The following MACROD1 variants were observed in gnomAD, a reference collection of about 807,000 sequenced individuals.
MACROD1 encodes ADP-ribose glycohydrolase MACROD1.
In MACROD1, 31 loss-of-function variants were observed where a neutral mutation model predicts 41.4. That is an observed-to-expected ratio of 0.75 (90% CI 0.56 to 1.01). The LOEUF (loss-of-function observed/expected upper bound fraction) is 1.01, where lower values mean the gene tolerates loss of function less well. MACROD1 is among the 50% of genes least tolerant of loss of function. MACROD1 has a pLI of 0.00. For missense variants in MACROD1, 473 were observed against 460.0 expected (o/e 1.03, Z -0.26); for synonymous variants, 252 against 203.4 (o/e 1.24, Z -2.03).
At chr11:64,100,597 T>C (rs1007875438) in intron 3 of MACROD1, among the ~76,000 whole-genome samples, 2 of 152,062 alleles carry the variant, frequency 1.3e-5, no homozygotes, top group Non-Finnish European at 2.9e-5. Context: ...GGCGCACGCA[T>C]TTACATATTT....
intron 3 of MACROD1, among the ~76,000 whole-genome samples, chr11:64,024,567 G>A (rs1292894433): frequency 6.6e-6 from 1 of 152,240 alleles, no homozygotes; most frequent in Admixed American, 6.5e-5. Flanking sequence ...CCATGGGGCA[G>A]GCACTCAGCA....
chr11:64,089,557 G>A (rs574266864), intron 3 of MACROD1, among the ~76,000 whole-genome samples: 1 of 152,310 alleles, frequency 6.6e-6, no homozygotes, highest in Non-Finnish European at 1.5e-5. Flanking sequence ...CCCAGCTGCC[G>A]GGTCGGCAGC....
chr11:64,126,018 C>T (rs1016157213), intron 3 of MACROD1, among the ~76,000 whole-genome samples: 2 of 152,190 alleles, frequency 1.3e-5, no homozygotes, highest in Admixed American at 1.3e-4. Context: ...CCAGGCCTCT[C>T]TCACCTTTCT....
Position 64,025,714 on chromosome 11 carries a change from C to G in MACROD1, c.518-10433G>C, listed in dbSNP as rs376639652. ...GCCCACACTGCTCTCATGGGCCCCCCCCGCTCCTTTTTTTTTTTTTTCAGA... is the reference window on the plus strand; with the variant it reads ...GCCCACACTGCTCTCATGGGCCCCCGCCGCTCCTTTTTTTTTTTTTTCAGA... On this transcript the variant is annotated intron_variant, in intron 3 of 10. Transcript: ENST00000255681. Among the ~76,000 whole-genome samples, 60 of 132,096 alleles carry G rather than the reference C, an allele frequency of 4.5e-4. No individual in the cohort carries two copies. The East Asian group carries it at 9.9e-3, about 22-fold the overall frequency. 86.7% of individuals were successfully genotyped at this position (132,096 alleles called of 152,430 possible). A position where few individuals can be genotyped will look rare whatever the true frequency, so the allele number is the denominator to read the frequency against.
At chr11:64,086,599 G>A (rs796249596) in intron 3 of MACROD1, among the ~76,000 whole-genome samples, 19 of 152,218 alleles carry the variant, frequency 1.2e-4, no homozygotes, top group African/African-American at 4.1e-4. Context: ...GCGGTTCTGC[G>A]ACTGGGGTGC....
chr11:64,152,431 G>A, intron 1 of MACROD1, 38 bp from the exon 2 acceptor site: 1 of 1,529,252 alleles, frequency 6.5e-7, no homozygotes, highest in Non-Finnish European at 9.1e-7. Context: ...TGGGGGCAGA[G>A]GAACGGGCCT....
intron 6 of MACROD1, 35 bp downstream of exon 6, chr11:63,999,607 C>G: frequency 6.2e-7 from 1 of 1,609,384 alleles, no homozygotes; most frequent in Non-Finnish European, 8.5e-7. Context: ...TCACTGCGCC[C>G]CGCCTCCCGC....
Position 64,096,363 on chromosome 11 carries a change from T to C in MACROD1, c.517+54876A>G, listed in dbSNP as rs1944576335. 6.6e-6 allele frequency among the ~76,000 whole-genome samples: 1 copy of C among 151,494 alleles called. No individual in the cohort carries two copies. The highest frequency in any genetic ancestry group is 6.6e-5 in the Admixed American group (1 of 15,246). On this transcript the variant is annotated intron_variant, in intron 3 of 10. Coordinates refer to ENST00000255681, the MANE Select transcript of MACROD1 (RefSeq NM_014067.4). The surrounding 1 kb of genome is among the most constrained non-coding windows in gnomAD (Gnocchi z 4.6). Reference sequence around the variant, plus strand: ...GTCCCTAATGGGCACGGGCGACGCATTACAGTGAGGTCTGCCAGGTAGAGC... The same window carrying C: ...GTCCCTAATGGGCACGGGCGACGCACTACAGTGAGGTCTGCCAGGTAGAGC...
chr11:64,019,450 G>A (rs1409049277), intron 3 of MACROD1, among the ~76,000 whole-genome samples: 5 of 152,174 alleles, frequency 3.3e-5, no homozygotes, highest in Admixed American at 2.0e-4. Context: ...CCTGAGGGCA[G>A]GTGCAGTAGC....
Position 64,015,287 on chromosome 11 carries a change from A to G in MACROD1, c.518-6T>C. 6.2e-7 allele frequency: 1 copy of G among 1,601,548 alleles called. No homozygotes were observed. Among genetic ancestry groups the G allele is most frequent in the Non-Finnish European group, 8.5e-7 (1 of 1,173,776 alleles). ...TCCGAGCAGGGAGCTGTTGGCTGCAAGAGAGAGAGACAAAGGCAGATCAGT... is the reference window on the plus strand; with the variant it reads ...TCCGAGCAGGGAGCTGTTGGCTGCAGGAGAGAGAGACAAAGGCAGATCAGT... On this transcript the variant is annotated splice_polypyrimidine_tract_variant and splice_region_variant and intron_variant, in intron 3 of 10. Coordinates refer to ENST00000255681, the MANE Select transcript of MACROD1 (RefSeq NM_014067.4).
At chr11:64,110,187 C>T (rs137975330) in intron 3 of MACROD1, among the ~76,000 whole-genome samples, 90 of 152,218 alleles carry the variant, frequency 5.9e-4, no homozygotes, top group African/African-American at 1.8e-3. Context: ...TGGTGGCTCA[C>T]GCGTATAATC....
At chr11:64,158,058 G>A (rs1225622932) in intron 1 of MACROD1, among the ~76,000 whole-genome samples, 1 of 152,156 alleles carries the variant, frequency 6.6e-6, no homozygotes, top group African/African-American at 2.4e-5. Flanking sequence ...GAAGCCCCCC[G>A]ACTCCCAGGG....
intron 3 of MACROD1, among the ~76,000 whole-genome samples, chr11:64,113,272 T>C (rs1565238349): frequency 1.3e-5 from 2 of 152,244 alleles, no homozygotes; most frequent in Admixed American, 1.3e-4. Context: ...TAGTGTGAAC[T>C]ATCATCCATC....
chr11:64,105,656 C>T (rs144476155), intron 3 of MACROD1, among the ~76,000 whole-genome samples: 1 of 152,220 alleles, frequency 6.6e-6, no homozygotes. Flanking sequence ...AGTGACCCCA[C>T]AGGCTTGAGG....
chr11:64,113,603 GTGGATGGA>G (rs138402349), intron 3 of MACROD1, among the ~76,000 whole-genome samples: 4,605 of 117,418 alleles, frequency 0.039, 112 homozygotes, highest in South Asian at 0.11. Context: ...GGATGGTTAG[GTGGATGGA>G]TGGATGGATG....
chr11:64,094,537 C>T (rs1259505875), intron 3 of MACROD1, among the ~76,000 whole-genome samples: 1 of 152,136 alleles, frequency 6.6e-6, no homozygotes, highest in Non-Finnish European at 1.5e-5. Flanking sequence ...AAATGAATGG[C>T]AGGCTCCTGG....
intron 3 of MACROD1, among the ~76,000 whole-genome samples, chr11:64,068,379 A>T (rs1421487806): frequency 6.6e-6 from 1 of 152,236 alleles, no homozygotes; most frequent in Non-Finnish European, 1.5e-5. Context: ...AGCTGCCCGC[A>T]TGCCCTAGTA....
intron 3 of MACROD1, among the ~76,000 whole-genome samples, chr11:64,136,349 T>A (rs1015835446): frequency 1.3e-5 from 2 of 152,186 alleles, no homozygotes; most frequent in African/African-American, 4.8e-5. Context: ...CCCAGACAAG[T>A]CACTTATGGT....
intron 3 of MACROD1, among the ~76,000 whole-genome samples, chr11:64,042,242 C>G (rs180752746): frequency 2.0e-5 from 3 of 152,166 alleles, no homozygotes; most frequent in East Asian, 1.9e-4. Flanking sequence ...CCTGAGCCAG[C>G]CTGAGCCAGG....
Sources: allele counts gnomAD v4.1 joint callset (sites outside exome capture counted in the v4.1 genomes callset), GRCh38; gene constraint gnomAD v4.1.1; non-coding constraint Gnocchi (gnomAD v3.1); transcripts MANE v1.5; gene names NCBI Gene and HGNC (gene_info 2026-07-23, HGNC 2026-07-21).